The following COL26A1 variants were observed in gnomAD, a reference collection of about 807,000 sequenced individuals.
COL26A1 encodes the protein collagen alpha-1(XXVI) chain.
In COL26A1, 41 loss-of-function variants were observed where a neutral mutation model predicts 59.3. The ratio of observed to expected loss-of-function variants is 0.69; its 90% CI spans 0.54 to 0.90. The LOEUF is 0.90. Ranked by LOEUF, COL26A1 falls within the 40% of genes least tolerant of loss-of-function variation. COL26A1 has a pLI of 0.00. For missense variants in COL26A1, 612 were observed against 602.3 expected, an observed-to-expected ratio of 1.02 and a Z score of -0.17; for synonymous variants, 266 against 256.0, an observed-to-expected ratio of 1.04 and a Z score of -0.37.
intron 3 of COL26A1, among the ~76,000 whole-genome samples, chr7:101,449,579 G>A (rs1050454141): frequency 2.0e-5 from 3 of 151,460 alleles, no homozygotes; most frequent in Non-Finnish European, 4.4e-5. Flanking sequence ...GACCAGCCTG[G>A]GCAACATGGT....
At chr7:101,393,294 A>G (rs1177553943) in intron 1 of COL26A1, among the ~76,000 whole-genome samples, 1 of 152,196 alleles carries the variant, frequency 6.6e-6, no homozygotes, top group East Asian at 1.9e-4. Flanking sequence ...CACGATCACA[A>G]GGTCTCACAA....
At chr7:101,519,388 G>T (rs56384319) in intron 3 of COL26A1, among the ~76,000 whole-genome samples, 38,103 of 152,076 alleles carry the variant, frequency 0.25, 4,908 homozygotes, top group African/African-American at 0.29. Flanking sequence ...ATAGCTCACT[G>T]CTGCCTCCAA....
chr7:101,449,288 A>G (rs952686902), intron 3 of COL26A1, among the ~76,000 whole-genome samples: 2 of 152,188 alleles, frequency 1.3e-5, no homozygotes, highest in Non-Finnish European at 2.9e-5. Flanking sequence ...GAGCCCTTCA[A>G]TGCCAGGACT....
At chr7:101,449,890 G>A (rs1793288360) in intron 3 of COL26A1, among the ~76,000 whole-genome samples, 1 of 152,132 alleles carries the variant, frequency 6.6e-6, no homozygotes, top group Admixed American at 6.6e-5. Flanking sequence ...TTGGGAGGCT[G>A]AGGAGGGAGG....
intron 10 of COL26A1, among the ~76,000 whole-genome samples, chr7:101,551,702 C>T (rs1020446963): frequency 7.9e-5 from 12 of 151,298 alleles, no homozygotes; most frequent in African/African-American, 2.7e-4. Context: ...GCCAGGATCA[C>T]GCCACTGCAC....
At chr7:101,417,213 A>G (rs1050335770) in intron 1 of COL26A1, among the ~76,000 whole-genome samples, 1 of 152,086 alleles carries the variant, frequency 6.6e-6, no homozygotes, top group Non-Finnish European at 1.5e-5. Flanking sequence ...AAATAATTTG[A>G]AAGTCTTGGT....
At chr7:101,499,145 G>A (rs1005460632) in intron 3 of COL26A1, among the ~76,000 whole-genome samples, 2 of 152,144 alleles carry the variant, frequency 1.3e-5, no homozygotes, top group African/African-American at 2.4e-5. Flanking sequence ...TGGAGTTCGC[G>A]GGGATCCCTG....
chr7:101,472,802 T>G (rs985119649), intron 3 of COL26A1, among the ~76,000 whole-genome samples: 1 of 8,948 alleles, frequency 1.1e-4, no homozygotes, highest in Non-Finnish European at 1.9e-4. Flanking sequence ...CGAAGTGTTG[T>G]GGGGCCCCAG....
intron 4 of COL26A1, among the ~76,000 whole-genome samples, chr7:101,536,891 T>C (rs1471191356): frequency 6.6e-6 from 1 of 152,194 alleles, no homozygotes; most frequent in Non-Finnish European, 1.5e-5. Context: ...CATCCTCACC[T>C]TGTATGTAAA....
chr7:101,458,804 C>CTTAT (rs751713702), intron 3 of COL26A1, among the ~76,000 whole-genome samples: 1 of 140,434 alleles, frequency 7.1e-6, no homozygotes, highest in Non-Finnish European at 1.5e-5. Flanking sequence ...AAACCTGGGT[C>CTTAT]TTTTTTTTTT....
intron 1 of COL26A1, among the ~76,000 whole-genome samples, chr7:101,379,721 A>G (rs560715686): frequency 1.3e-5 from 2 of 152,322 alleles, no homozygotes; most frequent in South Asian, 4.1e-4. Flanking sequence ...GGTTGCAGTA[A>G]AAAAGCCGGC....
chr7:101,367,541 G>A (rs55858703), intron 1 of COL26A1, among the ~76,000 whole-genome samples: 87,773 of 151,418 alleles, frequency 0.58, 26,991 homozygotes, highest in African/African-American at 0.8. Context: ...GGTGCACACC[G>A]GTAGTCCCAG....
chr7:101,385,740 T>C (rs2117039856), intron 1 of COL26A1, among the ~76,000 whole-genome samples: 1 of 152,210 alleles, frequency 6.6e-6, no homozygotes, highest in African/African-American at 2.4e-5. Flanking sequence ...AGTCTCACTC[T>C]GTCGCCCAGG....
chr7:101,390,624 T>G lies in COL26A1; in HGVS notation c.158+27434T>G, dbSNP rs376960363. ...AATTTTTTGAGAAATGGGATCTTGC[T>G]ATATTGTCCAGGCTGGTCTCAAACT... On this transcript the variant is annotated intron_variant, in intron 1 of 12. Transcript: ENST00000313669. Among the ~76,000 whole-genome samples, 16 of 152,042 alleles carry G rather than the reference T, an allele frequency of 1.1e-4. No individual in the cohort carries two copies. In the East Asian group the frequency reaches 1.6e-3, roughly 15 times the overall value.
intron 3 of COL26A1, among the ~76,000 whole-genome samples, chr7:101,467,371 A>AT (rs1170362634): frequency 8.1e-6 from 1 of 123,086 alleles, no homozygotes; most frequent in Non-Finnish European, 1.7e-5. Flanking sequence ...CGGGGGGAGG[A>AT]TGGGGGGTGG....
intron 3 of COL26A1, among the ~76,000 whole-genome samples, chr7:101,520,664 C>CACACA (rs1554341000): frequency 0.012 from 1,104 of 95,920 alleles, 20 homozygotes; most frequent in African/African-American, 0.048. Flanking sequence ...ACACACACAC[C>CACACA]CCCGTGTTCT....
intron 3 of COL26A1, among the ~76,000 whole-genome samples, chr7:101,530,812 TC>T (rs1241525395): frequency 6.6e-6 from 1 of 152,034 alleles, no homozygotes; most frequent in African/African-American, 2.4e-5. Context: ...CCAGTCTCCA[TC>T]CCCGCCTTGG....
chr7:101,520,385 G>A (rs139877791), intron 3 of COL26A1, among the ~76,000 whole-genome samples: 1 of 152,088 alleles, frequency 6.6e-6, no homozygotes, highest in African/African-American at 2.4e-5. Context: ...ATTTTGGAGA[G>A]AGACTCATTT....
rs563183477 is a variant in COL26A1 at position 101,433,097 on chromosome 7, T to A, written c.281+12998T>A. Among the ~76,000 whole-genome samples, 155 of 151,980 alleles carry A rather than the reference T, an allele frequency of 1.0e-3. 1 individual carries two copies. The highest frequency in any genetic ancestry group is 3.6e-3 in the African/African-American group (149 of 41,484). On this transcript the variant is annotated intron_variant, in intron 2 of 12. Transcript: ENST00000313669. ...CAACACTTCGGGAGGCTGAGATGGG[T>A]GGATCGCTTGAGGCCAGAAGTTTGA...
Sources: gnomAD v4.1 joint callset for allele counts (sites outside exome capture counted in the v4.1 genomes callset) on GRCh38, gnomAD v4.1.1 for gene constraint, MANE v1.5 for transcripts, NCBI Gene and HGNC (gene_info 2026-07-23, HGNC 2026-07-21) for gene names.